The following ADAMTS3 variants were observed in gnomAD, a reference collection of about 807,000 sequenced individuals.
ADAMTS3 encodes A disintegrin and metalloproteinase with thrombospondin motifs 3.
ADAMTS3 carries 73 observed loss-of-function variants against 129.0 expected under a neutral mutation model. The ratio of observed to expected loss-of-function variants is 0.57; its 90% CI spans 0.47 to 0.69. ADAMTS3 has a LOEUF of 0.69. Among genes scored for constraint, ADAMTS3 ranks in the 30% least tolerant of loss-of-function variants. ADAMTS3 has a pLI of 0.00. For missense variants in ADAMTS3, 1,457 were observed against 1,514.5 expected, an observed-to-expected ratio of 0.96 and a Z score of 0.63; for synonymous variants, 477 against 510.8, an observed-to-expected ratio of 0.93 and a Z score of 0.89.
At chr4:72,556,862 A>C (rs1721781055) in intron 2 of ADAMTS3, among the ~76,000 whole-genome samples, 1 of 151,802 alleles carries the variant, frequency 6.6e-6, no homozygotes. Flanking sequence ...ATAGAAAAAG[A>C]AAGCCAGTTT....
intron 3 of ADAMTS3, among the ~76,000 whole-genome samples, chr4:72,497,180 A>C (rs556938017): frequency 1.6e-4 from 24 of 152,046 alleles, no homozygotes; most frequent in Non-Finnish European, 3.1e-4. Context: ...AGCTGTTGGA[A>C]GTATTTTATC....
At chr4:72,453,510 AG>A (rs1241211469) in intron 3 of ADAMTS3, among the ~76,000 whole-genome samples, 1 of 151,788 alleles carries the variant, frequency 6.6e-6, no homozygotes, top group Non-Finnish European at 1.5e-5. Flanking sequence ...GAGCACAAAA[AG>A]GTTACATCAC....
chr4:72,412,691 A>C (rs1722211685), intron 4 of ADAMTS3, among the ~76,000 whole-genome samples: 1 of 152,072 alleles, frequency 6.6e-6, no homozygotes, highest in South Asian at 2.1e-4. Flanking sequence ...GAACATTTTA[A>C]GAGAACTGAA....
chr4:72,304,842 G>T (rs1167848617), intron 16 of ADAMTS3, among the ~76,000 whole-genome samples: 1 of 151,928 alleles, frequency 6.6e-6, no homozygotes, highest in Non-Finnish European at 1.5e-5. Context: ...TTAATTAAAT[G>T]TATTTATTCC....
chr4:72,465,099 G>T (rs1718884515), intron 3 of ADAMTS3, among the ~76,000 whole-genome samples: 1 of 151,986 alleles, frequency 6.6e-6, no homozygotes, highest in African/African-American at 2.4e-5. Context: ...CCATTGCTTA[G>T]TTAGTGACAA....
At chr4:72,397,770 G>C (rs903824276) in intron 4 of ADAMTS3, among the ~76,000 whole-genome samples, 2 of 152,052 alleles carry the variant, frequency 1.3e-5, no homozygotes, top group African/African-American at 2.4e-5. Flanking sequence ...ATCTAAAGAG[G>C]CTTCCTAAAG....
intron 3 of ADAMTS3, among the ~76,000 whole-genome samples, chr4:72,453,531 G>A (rs1718464395): frequency 6.6e-6 from 1 of 151,672 alleles, no homozygotes; most frequent in South Asian, 2.1e-4. Flanking sequence ...CTTGCCATAG[G>A]TAACATGGTT....
chr4:72,534,467 T>C (rs1037535905), intron 3 of ADAMTS3, among the ~76,000 whole-genome samples: 1 of 152,250 alleles, frequency 6.6e-6, no homozygotes. Flanking sequence ...TGAATGTCAT[T>C]GTTTCATAAG....
chr4:72,491,530 G>T (rs1393093459), intron 3 of ADAMTS3, among the ~76,000 whole-genome samples: 2 of 151,650 alleles, frequency 1.3e-5, no homozygotes, highest in African/African-American at 4.8e-5. Context: ...TTTGTCAATT[G>T]CTTGTCCTGC....
At chr4:72,494,082 T>C (rs1445230857) in intron 3 of ADAMTS3, among the ~76,000 whole-genome samples, 1 of 152,160 alleles carries the variant, frequency 6.6e-6, no homozygotes, top group East Asian at 1.9e-4. Context: ...GTTTGGAGAC[T>C]TTACAGCTTT....
rs34822104 is a variant in ADAMTS3 at position 72,403,463 on chromosome 4, G to GAA, written c.661+11350_661+11351dup. 8.6e-5 allele frequency among the ~76,000 whole-genome samples: 13 copies of GAA among 151,486 alleles called. No homozygotes were observed. In the East Asian group the frequency reaches 1.9e-3, roughly 23 times the overall value. On this transcript the variant is annotated intron_variant, in intron 4 of 21. Coordinates refer to ENST00000286657, the MANE Select transcript of ADAMTS3 (RefSeq NM_014243.3). ...ACTCAATATCTGCAGATATTAGATG[G>GAA]AAAAAAAATAAGAGTCAAGTAGTAT...
At chr4:72,311,417 A>G (rs564605808) in intron 13 of ADAMTS3, among the ~76,000 whole-genome samples, 1 of 152,268 alleles carries the variant, frequency 6.6e-6, no homozygotes, top group East Asian at 1.9e-4. Flanking sequence ...TCTAGTAATA[A>G]CTGAGCAGGA....
chr4:72,451,020 T>G (rs1718390596), intron 3 of ADAMTS3, among the ~76,000 whole-genome samples: 1 of 73,874 alleles, frequency 1.4e-5, no homozygotes, highest in Admixed American at 1.4e-4. Context: ...AGAAGAGAAA[T>G]TTGCAACAGA....
chr4:72,372,634 G>A (rs1721037864), intron 4 of ADAMTS3, among the ~76,000 whole-genome samples: 1 of 151,774 alleles, frequency 6.6e-6, no homozygotes, highest in African/African-American at 2.4e-5. Context: ...CAAGAAAGAT[G>A]GGTATAAAGT....
At position 72,342,094 on chromosome 4, in the gene ADAMTS3, T is replaced by C. The variant is rs111569362; in HGVS notation, c.662-2401A>G. 8.5e-5 allele frequency among the ~76,000 whole-genome samples: 13 copies of C among 152,322 alleles called. 2 individuals carry two copies. The highest frequency in any genetic ancestry group is 3.1e-4 in the African/African-American group (13 of 41,582). ...AATAAGAGAAATTGACATAGTTGACTCCATCTTGCTTCTCACCTCCAAGCT... is the reference window on the plus strand; with the variant it reads ...AATAAGAGAAATTGACATAGTTGACCCCATCTTGCTTCTCACCTCCAAGCT... On this transcript the variant is annotated intron_variant, in intron 4 of 21. Coordinates refer to ENST00000286657, the MANE Select transcript of ADAMTS3 (RefSeq NM_014243.3).
At chr4:72,556,648 T>C (rs1224105318) in intron 2 of ADAMTS3, among the ~76,000 whole-genome samples, 3 of 151,770 alleles carry the variant, frequency 2.0e-5, no homozygotes, top group Admixed American at 6.5e-5. Context: ...TCAGAAAGCA[T>C]TGCATTTGAA....
intron 18 of ADAMTS3, among the ~76,000 whole-genome samples, chr4:72,297,443 A>G (rs933246611): frequency 6.6e-6 from 1 of 152,164 alleles, no homozygotes; most frequent in Non-Finnish European, 1.5e-5. Flanking sequence ...AAAATTATAA[A>G]ATAAATAATT....
chr4:72,306,864 C>T (rs1719101722), intron 15 of ADAMTS3, among the ~76,000 whole-genome samples: 1 of 151,892 alleles, frequency 6.6e-6, no homozygotes, highest in African/African-American at 2.4e-5. Context: ...ATATCACATA[C>T]TATGTTGATA....
chr4:72,300,028 T>A (rs1553904433), intron 17 of ADAMTS3, among the ~76,000 whole-genome samples: 1 of 152,196 alleles, frequency 6.6e-6, no homozygotes, highest in Non-Finnish European at 1.5e-5. Context: ...TTTTTAGAAC[T>A]ACCTTTTGTT....
Sources: gnomAD v4.1 joint callset for allele counts (sites outside exome capture counted in the v4.1 genomes callset) on GRCh38, gnomAD v4.1.1 for gene constraint, MANE v1.5 for transcripts, NCBI Gene and HGNC (gene_info 2026-07-23, HGNC 2026-07-21) for gene names.